CHD9: variants seen among roughly 807,000 people sequenced by gnomAD.
CHD9 encodes the protein ATP-dependent chromatin remodeler CHD9.
Under a neutral mutation model 316.1 loss-of-function variants are expected in CHD9, and 77 were observed. The ratio of observed to expected loss-of-function variants is 0.24; its 90% CI spans 0.20 to 0.29. The LOEUF is 0.29. Ranked by LOEUF, CHD9 falls within the 10% of genes least tolerant of loss-of-function variation. The probability of loss-of-function intolerance (pLI) is 1.00; values close to 1 mark genes in which losing one functional copy is unlikely to be tolerated. For missense variants in CHD9, 2,763 were observed against 3,438.1 expected, an observed-to-expected ratio of 0.80 and a Z score of 4.91; for synonymous variants, 1,129 against 1,158.3, an observed-to-expected ratio of 0.97 and a Z score of 0.51.
At chr16:53,140,767 GT>G (rs2040054452) in intron 1 of CHD9, among the ~76,000 whole-genome samples, 1 of 152,172 alleles carries the variant, frequency 6.6e-6, no homozygotes, top group Non-Finnish European at 1.5e-5. Context: ...TTTAAAAAAT[GT>G]TTTGGAGAGA....
At chr16:53,163,110 A>G (rs890202342) in intron 2 of CHD9, among the ~76,000 whole-genome samples, 12 of 152,302 alleles carry the variant, frequency 7.9e-5, no homozygotes, top group African/African-American at 2.2e-4. Flanking sequence ...GTCGTTTGTA[A>G]TATTATTACC....
At chr16:53,132,822 G>A (rs1010675047) in intron 1 of CHD9, among the ~76,000 whole-genome samples, 6 of 44,708 alleles carry the variant, frequency 1.3e-4, no homozygotes, top group East Asian at 1.4e-3. Context: ...TTTTTTTTTG[G>A]TGTTGAGACG....
chr16:53,207,965 A>G (rs1482119422), intron 2 of CHD9: 3 of 880,022 alleles, frequency 3.4e-6, no homozygotes, highest in Non-Finnish European at 4.1e-6. Flanking sequence ...AGAAGGAGTC[A>G]GTATTTTTAA....
At chr16:53,127,579 T>G (rs541002423) in intron 1 of CHD9, among the ~76,000 whole-genome samples, 1 of 152,096 alleles carries the variant, frequency 6.6e-6, no homozygotes, top group East Asian at 1.9e-4. Flanking sequence ...TCAATGACTG[T>G]GTAACCAGGG....
In CHD9 at chr16:53,324,551, A is replaced by G; in HGVS notation, c.8350A>G (p.Thr2784Ala). 6.2e-7 allele frequency: 1 copy of G among 1,613,470 alleles called. No individual in the cohort carries two copies. The highest frequency in any genetic ancestry group is 8.5e-7 in the Non-Finnish European group (1 of 1,179,470). Residue 2784 changes from threonine to alanine, a missense_variant, in exon 39 of 39, where the codon ACA becomes GCA. This residue lies in a region of CHD9 where 298 missense variants were observed against 380.2 expected (regional missense o/e 0.78). Transcript: ENST00000447540. ...CACATCCTCTACTGCTGCATTAAAT[A>G]CAGCTGCAGCTGCCAACCCATTAGC... is the stretch of plus-strand genomic sequence containing the variant. ...PSTSSTAALN[T>A]AAAANPLALN...
At position 53,151,171 on chromosome 16, in the gene CHD9, C is replaced by A. The variant is rs192222171; in HGVS notation, c.-164-4755C>A. Among the ~76,000 whole-genome samples, 39 of 147,806 alleles carry A rather than the reference C, an allele frequency of 2.6e-4. No individual in the cohort carries two copies. The East Asian group carries it at 7.5e-3, about 28-fold the overall frequency. ...TCACTTTTCTTCTTCATTTTTCTTT[C>A]TTTTTCTTTTTCTTTTTCTTTTCCC... On this transcript the variant is annotated intron_variant, in intron 1 of 38. Coordinates refer to ENST00000447540, the MANE Select transcript of CHD9 (RefSeq NM_001308319.2).
intron 1 of CHD9, among the ~76,000 whole-genome samples, chr16:53,081,301 A>G (rs2034994924): frequency 6.6e-6 from 1 of 152,140 alleles, no homozygotes; most frequent in African/African-American, 2.4e-5. Flanking sequence ...CTGGTTCTGC[A>G]CCTTGTCTTA....
chr16:53,127,824 G>C (rs1371096004), intron 1 of CHD9, among the ~76,000 whole-genome samples: 1 of 151,838 alleles, frequency 6.6e-6, no homozygotes, highest in Non-Finnish European at 1.5e-5. Flanking sequence ...GGGAGGCTGA[G>C]GCAGGAGAAG....
intron 3 of CHD9, among the ~76,000 whole-genome samples, chr16:53,215,988 T>G (rs1478289512): frequency 2.0e-5 from 3 of 152,216 alleles, no homozygotes; most frequent in Non-Finnish European, 4.4e-5. Context: ...GGTTTTTTCC[T>G]TGCCTGAGTA....
chr16:53,096,522 A>G (rs1037386709), intron 1 of CHD9, among the ~76,000 whole-genome samples: 2 of 152,140 alleles, frequency 1.3e-5, no homozygotes, highest in South Asian at 2.1e-4. Flanking sequence ...TACTACCCCA[A>G]TTTTGTAGAT....
intron 2 of CHD9, among the ~76,000 whole-genome samples, chr16:53,181,177 A>G (rs1044252193): frequency 4.0e-5 from 6 of 151,828 alleles, no homozygotes; most frequent in African/African-American, 1.5e-4. Context: ...CGCCTGGCTA[A>G]TTTTTGTATT....
Position 53,274,266 on chromosome 16 carries a change from A to G in CHD9, c.4931A>G (p.Asn1644Ser). Residue 1644 changes from asparagine to serine, a missense_variant, in exon 24 of 39, where the codon AAT becomes AGT. Coordinates refer to ENST00000447540, the MANE Select transcript of CHD9 (RefSeq NM_001308319.2). ...LYYLKQEVIGNECQKVFDGVD... is the reference protein window; with the variant it reads ...LYYLKQEVIGSECQKVFDGVD... ...TATCTAAAGCAAGAAGTTATTGGAA[A>G]TGAGTGTCAGAAAGTATTTGATGGA... The G allele has an allele frequency of 1.3e-6, 2 of 1,598,974 alleles. No homozygotes were observed. Among genetic ancestry groups the G allele is most frequent in the South Asian group, 1.1e-5 (1 of 87,400 alleles).
intron 19 of CHD9, among the ~76,000 whole-genome samples, chr16:53,261,088 G>C: frequency 8.6e-6 from 1 of 116,520 alleles, no homozygotes; most frequent in African/African-American, 3.4e-5. Flanking sequence ...CTATAGTTTA[G>C]AGAAAGCAAA....
At chr16:53,085,821 G>T (rs12708901) in intron 1 of CHD9, among the ~76,000 whole-genome samples, 33,944 of 152,168 alleles carry the variant, frequency 0.22, 4,077 homozygotes, top group South Asian at 0.34. Context: ...TGCTCCTCTT[G>T]CCTGGTAAGC....
chr16:53,108,511 TATAGATAG>T (rs36134573), intron 1 of CHD9, among the ~76,000 whole-genome samples: 15,499 of 146,512 alleles, frequency 0.11, 860 homozygotes, highest in Middle Eastern at 0.14. Flanking sequence ...TCTCAAAAAA[TATAGATAG>T]ATAGATAGAT....
rs763583628 is a variant in CHD9, at chr16:53,314,409, G to A, written c.7255G>A (p.Gly2419Ser). ...TSIQPTLGAN[G>S]VILDNQPIVK... ...CATTCAACCAACCCTTGGTGCCAAT[G>A]GTGTGATATTAGACAACCAGCCTAT... is the stretch of plus-strand genomic sequence containing the variant. The change falls in exon 35 of 39, where the codon GGT becomes AGT. Residue 2419 changes from glycine to serine, a missense_variant. Physicochemically the swap from Gly to Ser is moderately conservative, Grantham distance 56. Transcript: ENST00000447540. 3.2e-6 allele frequency: 5 copies of A among 1,587,098 alleles called. No individual in the cohort carries two copies. The highest frequency in any genetic ancestry group is 4.3e-6 in the Non-Finnish European group (5 of 1,165,796).
intron 34 of CHD9, among the ~76,000 whole-genome samples, chr16:53,310,217 A>G (rs757554017): frequency 1.3e-5 from 2 of 152,228 alleles, no homozygotes; most frequent in African/African-American, 2.4e-5. Flanking sequence ...TCAAATATGA[A>G]TCACCCATGC....
At chr16:53,301,531 A>G (rs918752582) in intron 30 of CHD9, among the ~76,000 whole-genome samples, 1 of 152,226 alleles carries the variant, frequency 6.6e-6, no homozygotes, top group African/African-American at 2.4e-5. Context: ...TTTCTTAAGT[A>G]GCCACAATTA....
chr16:53,171,161 G>A (rs758852596), intron 2 of CHD9, among the ~76,000 whole-genome samples: 21 of 152,156 alleles, frequency 1.4e-4, no homozygotes, highest in Non-Finnish European at 2.8e-4. Context: ...TGTAATCCTA[G>A]CACTTTGGGA....
Sources: allele counts gnomAD v4.1 joint callset (sites outside exome capture counted in the v4.1 genomes callset), GRCh38; gene constraint gnomAD v4.1.1; regional missense constraint gnomAD v4.1.1; transcripts MANE v1.5; gene names NCBI Gene and HGNC (gene_info 2026-07-23, HGNC 2026-07-21).